The following SMOC2 variants were observed in gnomAD, a reference collection of about 807,000 sequenced individuals.
The protein encoded by SMOC2 is SPARC-related modular calcium-binding protein 2.
A neutral mutation model predicts 61.4 loss-of-function variants in SMOC2; 39 were observed. The ratio of observed to expected loss-of-function variants is 0.64; its 90% CI spans 0.49 to 0.83. The LOEUF (loss-of-function observed/expected upper bound fraction) is 0.83. Ranked by LOEUF, SMOC2 falls within the 40% of genes least tolerant of loss-of-function variation. The pLI, the probability that SMOC2 is intolerant of heterozygous loss-of-function variation, is 0.00. For synonymous variants in SMOC2, 247 were observed against 239.9 expected, an observed-to-expected ratio of 1.03 and a Z score of -0.27; for missense variants, 556 against 592.9, an observed-to-expected ratio of 0.94 and a Z score of 0.65.
chr6:168,524,682 G>T (rs1783412833), intron 2 of SMOC2, among the ~76,000 whole-genome samples: 1 of 152,380 alleles, frequency 6.6e-6, no homozygotes, highest in South Asian at 2.1e-4. Context: ...GCAAAGCAGT[G>T]ATTTCTCCTC....
intron 9 of SMOC2, among the ~76,000 whole-genome samples, chr6:168,613,592 G>C (rs143979678): frequency 2.4e-4 from 37 of 152,196 alleles, no homozygotes; most frequent in African/African-American, 8.9e-4. Flanking sequence ...AAAGGGCATG[G>C]CACAGTGCCT....
intron 7 of SMOC2, among the ~76,000 whole-genome samples, chr6:168,581,257 A>G (rs1275524220): frequency 2.6e-5 from 4 of 152,238 alleles, no homozygotes; most frequent in Non-Finnish European, 5.9e-5. Flanking sequence ...GAGAACCACG[A>G]AATTTCCATG....
intron 9 of SMOC2, among the ~76,000 whole-genome samples, chr6:168,620,090 T>C (rs1447221063): frequency 2.0e-5 from 3 of 152,182 alleles, no homozygotes; most frequent in Non-Finnish European, 4.4e-5. Context: ...GCGTGTAATA[T>C]TTGCCTGTGG....
intron 12 of SMOC2, among the ~76,000 whole-genome samples, chr6:168,666,172 T>G (rs1262445205): frequency 1.3e-5 from 2 of 152,218 alleles, no homozygotes; most frequent in Non-Finnish European, 2.9e-5. Context: ...CTTAGAATAT[T>G]TACAGTGGAT....
chr6:168,528,122 T>C (rs1482336673), intron 4 of SMOC2, among the ~76,000 whole-genome samples: 2 of 152,236 alleles, frequency 1.3e-5, no homozygotes, highest in African/African-American at 4.8e-5. Context: ...TGTATGCATA[T>C]GTTTTCAAAG....
intron 9 of SMOC2, among the ~76,000 whole-genome samples, chr6:168,613,869 C>T (rs1161413466): frequency 9.7e-6 from 1 of 103,018 alleles, no homozygotes; most frequent in Non-Finnish European, 2.0e-5. Flanking sequence ...CTCTTCACAC[C>T]TACAGCCAGC....
At chr6:168,649,694 C>T (rs1785404339) in intron 9 of SMOC2, among the ~76,000 whole-genome samples, 2 of 152,308 alleles carry the variant, frequency 1.3e-5, no homozygotes, top group Non-Finnish European at 2.9e-5. Flanking sequence ...CCGATCTCAT[C>T]GGGGAAACGA....
chr6:168,543,669 A>C lies in SMOC2; in HGVS notation c.508A>C (p.Thr170Pro), dbSNP rs1184899521. 1.9e-6 allele frequency: 3 copies of C among 1,613,398 alleles called. No homozygotes were observed. The highest frequency in any genetic ancestry group is 1.7e-6 in the Non-Finnish European group (2 of 1,179,364). The stretch of plus-strand genomic sequence containing the variant: ...ACCCCAACGCGAAGGCACAGGAAAA[A>C]CAGGTAACTATCTTAGAATAAATGT... Reference protein sequence around the residue: ...KLPQREGTGKTDDAAAPALET... With the variant: ...KLPQREGTGKPDDAAAPALET... Residue 170 changes from threonine to proline, a missense_variant, in exon 5 of 13, where the codon ACA (threonine) becomes CCA (proline). Thr to Pro is a conservative substitution (Grantham distance 38). Coordinates refer to ENST00000356284, the MANE Select transcript of SMOC2 (RefSeq NM_001166412.2).
At chr6:168,599,820 CACACA>C in intron 8 of SMOC2, among the ~76,000 whole-genome samples, 1 of 126,850 alleles carries the variant, frequency 7.9e-6, no homozygotes, top group African/African-American at 3.0e-5. Flanking sequence ...CCCACACACA[CACACA>C]CACGCCCCCC....
chr6:168,524,921 C>A lies in SMOC2; in HGVS notation c.257-1425C>A, dbSNP rs540996430. Among the ~76,000 whole-genome samples the A allele has an allele frequency of 5.9e-5, 9 of 152,344 alleles. No individual in the cohort carries two copies. The South Asian group carries it at 1.9e-3, about 32-fold the overall frequency. On this transcript the variant is annotated intron_variant, in intron 2 of 12. Coordinates refer to ENST00000356284, the MANE Select transcript of SMOC2 (RefSeq NM_001166412.2). ...GTTAGAGGCGGAGCCTGTAGGAGCCCGCTGTGACGGGTGGAGCCCAGGGCT... is the reference window on the plus strand; with the variant it reads ...GTTAGAGGCGGAGCCTGTAGGAGCCAGCTGTGACGGGTGGAGCCCAGGGCT...
intron 1 of SMOC2, among the ~76,000 whole-genome samples, chr6:168,484,679 A>G (rs1357197199): frequency 6.6e-6 from 1 of 152,250 alleles, no homozygotes; most frequent in East Asian, 1.9e-4. Flanking sequence ...TAATTAAAAC[A>G]TGGAAGTAAC....
chr6:168,652,843 C>G lies in SMOC2; in HGVS notation c.1011-111C>G, dbSNP rs114835240. On this transcript the variant is annotated intron_variant, in intron 10 of 12. Transcript: ENST00000356284. ...ATGACCAGTGCTGCAGGCTGAGACACCAGGACCATGAGAACTACAAGCAGG... is the reference window on the plus strand; with the variant it reads ...ATGACCAGTGCTGCAGGCTGAGACAGCAGGACCATGAGAACTACAAGCAGG... 374 of 938,616 alleles carry G rather than the reference C, an allele frequency of 4.0e-4. No homozygotes were observed. The African/African-American group carries it at 5.4e-3, about 13-fold the overall frequency. The allele number at this position is 938,616 out of a possible 1,614,324, so 58.1% of individuals were successfully genotyped here.
chr6:168,533,485 A>T (rs546496620), intron 4 of SMOC2, among the ~76,000 whole-genome samples: 1 of 152,344 alleles, frequency 6.6e-6, no homozygotes, highest in East Asian at 1.9e-4. Context: ...CCTGGCACTA[A>T]GTTAAGGACC....
At chr6:168,613,695 A>T (rs1785956541) in intron 9 of SMOC2, among the ~76,000 whole-genome samples, 1 of 132,344 alleles carries the variant, frequency 7.6e-6, no homozygotes, top group African/African-American at 2.9e-5. Context: ...GGGCCTCTTC[A>T]CACCTACAGC....
intron 1 of SMOC2, among the ~76,000 whole-genome samples, chr6:168,500,281 T>A (rs2115041261): frequency 1.1e-5 from 1 of 91,756 alleles, no homozygotes; most frequent in African/African-American, 4.4e-5. Flanking sequence ...AGTGAAACTC[T>A]GTCTCAAAAA....
intron 8 of SMOC2, among the ~76,000 whole-genome samples, chr6:168,599,766 AAACACCCCCC>A (rs1785485383): frequency 8.9e-5 from 2 of 22,534 alleles, no homozygotes; most frequent in Non-Finnish European, 1.8e-4. Flanking sequence ...ACAATCCCCC[AAACACCCCCC>A]CACACACAAA....
chr6:168,586,024 G>A (rs1416522281), intron 7 of SMOC2, among the ~76,000 whole-genome samples: 1 of 151,698 alleles, frequency 6.6e-6, no homozygotes, highest in African/African-American at 2.4e-5. Flanking sequence ...TTTGTCTTTT[G>A]TGCTTAGTGC....
At chr6:168,460,860 C>G (rs111616983) in intron 1 of SMOC2, among the ~76,000 whole-genome samples, 1 of 152,128 alleles carries the variant, frequency 6.6e-6, no homozygotes, top group African/African-American at 2.4e-5. Flanking sequence ...TGTAGATATT[C>G]TTTGATTAAA....
At chr6:168,620,100 GTC>G (rs986819497) in intron 9 of SMOC2, among the ~76,000 whole-genome samples, 10 of 152,158 alleles carry the variant, frequency 6.6e-5, no homozygotes, top group African/African-American at 2.4e-4. Context: ...TTTGCCTGTG[GTC>G]TCTCCCCTCC....
Sources: gnomAD v4.1 joint callset for allele counts (sites outside exome capture counted in the v4.1 genomes callset) on GRCh38, gnomAD v4.1.1 for gene constraint, MANE v1.5 for transcripts, NCBI Gene and HGNC (gene_info 2026-07-23, HGNC 2026-07-21) for gene names.